Variants in ERC2 observed in about 807,000 individuals in gnomAD.
The protein encoded by ERC2 is ELKS/RAB6-interacting/CAST family member 2.
ERC2 carries 42 observed loss-of-function variants against 114.8 expected under a neutral mutation model. The ratio of observed to expected loss-of-function variants is 0.37; its 90% CI spans 0.29 to 0.47. The LOEUF is 0.47. Among genes scored for constraint, ERC2 ranks in the 20% least tolerant of loss-of-function variants. The pLI, the probability that ERC2 is intolerant of heterozygous loss-of-function variation, is 0.99. For synonymous variants in ERC2, 454 were observed against 425.5 expected (o/e 1.07, Z -0.82); for missense variants, 939 against 1,150.7 (o/e 0.82, Z 2.66).
chr3:55,527,264 A>G (rs1211905054), intron 17 of ERC2, among the ~76,000 whole-genome samples: 1 of 152,180 alleles, frequency 6.6e-6, no homozygotes, highest in Non-Finnish European at 1.5e-5. Flanking sequence ...AAAAATATCT[A>G]AAGCATAGAG....
chr3:56,429,042 T>C (rs1173350870), intron 2 of ERC2, among the ~76,000 whole-genome samples: 3 of 152,182 alleles, frequency 2.0e-5, no homozygotes, highest in South Asian at 2.1e-4. Flanking sequence ...ACGTTAACAA[T>C]TGCACAAAAT....
chr3:56,104,862 C>A (rs1484348344), intron 6 of ERC2, among the ~76,000 whole-genome samples: 1 of 152,066 alleles, frequency 6.6e-6, no homozygotes, highest in Non-Finnish European at 1.5e-5. Flanking sequence ...AGAAGAAAGA[C>A]AACAAGCGCT....
chr3:56,451,145 G>A (rs984167028), intron 1 of ERC2, among the ~76,000 whole-genome samples: 7 of 152,016 alleles, frequency 4.6e-5, no homozygotes, highest in Admixed American at 4.6e-4. Flanking sequence ...GGAATTATTG[G>A]GTCTTACACT....
intron 12 of ERC2, among the ~76,000 whole-genome samples, chr3:55,952,209 T>TATATATAC: frequency 8.1e-6 from 1 of 123,696 alleles, no homozygotes; most frequent in East Asian, 2.2e-4. Context: ...TATATATATA[T>TATATATAC]ATATATATTC....
chr3:56,219,178 C>T (rs13070314), intron 3 of ERC2, among the ~76,000 whole-genome samples: 69,029 of 151,856 alleles, frequency 0.45, 16,141 homozygotes, highest in East Asian at 0.71. Flanking sequence ...CATTGGGTAC[C>T]GTGTACACTG....
intron 7 of ERC2, among the ~76,000 whole-genome samples, chr3:56,046,852 T>C (rs764552702): frequency 6.6e-6 from 1 of 152,212 alleles, no homozygotes; most frequent in Non-Finnish European, 1.5e-5. Context: ...CAAAGTTTAA[T>C]GTTGTTCATT....
At chr3:56,379,284 G>A (rs988746973) in intron 2 of ERC2, among the ~76,000 whole-genome samples, 1 of 152,026 alleles carries the variant, frequency 6.6e-6, no homozygotes, top group Non-Finnish European at 1.5e-5. Flanking sequence ...ACCTTCTTGT[G>A]TTATTACTTA....
At chr3:56,196,069 C>T (rs1282261139) in intron 3 of ERC2, among the ~76,000 whole-genome samples, 2 of 152,048 alleles carry the variant, frequency 1.3e-5, no homozygotes, top group Non-Finnish European at 2.9e-5. Context: ...TTTTAGCCAG[C>T]TAAAAATTAC....
intron 14 of ERC2, among the ~76,000 whole-genome samples, chr3:55,853,377 T>C (rs2061655517): frequency 6.6e-6 from 1 of 151,944 alleles, no homozygotes; most frequent in African/African-American, 2.4e-5. Context: ...ACATTAAAAA[T>C]TAACCAGGCA....
chr3:55,744,606 T>C (rs2066192573), intron 14 of ERC2, among the ~76,000 whole-genome samples: 1 of 152,182 alleles, frequency 6.6e-6, no homozygotes, highest in Admixed American at 6.5e-5. Context: ...TTCATTTACA[T>C]GAGGTGAGCA....
At chr3:56,249,477 C>T (rs1479114653) in intron 3 of ERC2, among the ~76,000 whole-genome samples, 14 of 152,070 alleles carry the variant, frequency 9.2e-5, no homozygotes, top group Non-Finnish European at 1.5e-5. Context: ...AGGCGCCCGC[C>T]ACCACGCCCA....
chr3:56,367,614 A>T lies in ERC2; in HGVS notation c.657+66737T>A, dbSNP rs142477415. Among the ~76,000 whole-genome samples the T allele has an allele frequency of 3.8e-3, 585 of 152,288 alleles. 5 individuals are homozygous for T. Among genetic ancestry groups the T allele is most frequent in the African/African-American group, 0.013 (541 of 41,560 alleles). On this transcript the variant is annotated intron_variant, in intron 2 of 17. Coordinates refer to ENST00000288221, the MANE Select transcript of ERC2 (RefSeq NM_015576.3). The stretch of plus-strand genomic sequence containing the variant: ...AATTTAAACCTTGGTCTTGAGCTGA[A>T]TGAAGAGCTAGCAACTATTTATAGA...
intron 14 of ERC2, among the ~76,000 whole-genome samples, chr3:55,828,898 G>A (rs905695581): frequency 1.3e-4 from 20 of 152,146 alleles, no homozygotes; most frequent in African/African-American, 4.6e-4. Context: ...CAGCACTTTG[G>A]GAGGCTGACG....
At chr3:55,807,170 G>A (rs151102457) in intron 14 of ERC2, among the ~76,000 whole-genome samples, 2 of 152,272 alleles carry the variant, frequency 1.3e-5, no homozygotes, top group East Asian at 1.9e-4. Context: ...GATAACAAAC[G>A]ATACTCATCA....
intron 2 of ERC2, among the ~76,000 whole-genome samples, chr3:56,308,466 C>A (rs1371523195): frequency 6.6e-6 from 1 of 152,178 alleles, no homozygotes; most frequent in East Asian, 1.9e-4. Context: ...GAGTCAGAAT[C>A]TAATCCAGAT....
At chr3:56,081,669 A>G (rs1398114818) in intron 6 of ERC2, among the ~76,000 whole-genome samples, 1 of 152,166 alleles carries the variant, frequency 6.6e-6, no homozygotes, top group East Asian at 1.9e-4. Context: ...TGTTAATAAA[A>G]AAGAAAATAT....
At chr3:55,709,838 GA>G (rs2063682270) in intron 15 of ERC2, among the ~76,000 whole-genome samples, 1 of 152,166 alleles carries the variant, frequency 6.6e-6, no homozygotes, top group Non-Finnish European at 1.5e-5. Context: ...AGACAGCCAG[GA>G]GAGGCTTGGC....
chr3:56,430,943 C>A lies in ERC2; in HGVS notation c.657+3408G>T, dbSNP rs116081754. 3.4e-3 allele frequency among the ~76,000 whole-genome samples: 521 copies of A among 152,282 alleles called. 3 individuals carry two copies. The highest frequency in any genetic ancestry group is 0.012 in the African/African-American group (497 of 41,564). ...GAGGTAGTGATCATAAAGTTAAGAT[C>A]TTAGACTTTGGCATGAAATAGACCA... is the stretch of plus-strand genomic sequence containing the variant. On this transcript the variant is annotated intron_variant, in intron 2 of 17. Transcript: ENST00000288221.
intron 15 of ERC2, among the ~76,000 whole-genome samples, chr3:55,706,186 C>T (rs2063473983): frequency 1.3e-5 from 2 of 152,168 alleles, no homozygotes; most frequent in Admixed American, 1.3e-4. Flanking sequence ...GCTCCAGAAT[C>T]TTTCACTAGG....
Sources: allele counts gnomAD v4.1 joint callset (sites outside exome capture counted in the v4.1 genomes callset), GRCh38; gene constraint gnomAD v4.1.1; transcripts MANE v1.5; gene names NCBI Gene and HGNC (gene_info 2026-07-23, HGNC 2026-07-21).